Variants in EXOC2 observed in about 807,000 individuals in gnomAD.
EXOC2 encodes SEC5-like 1.
Under a neutral mutation model 131.8 loss-of-function variants are expected in EXOC2, and 70 were observed. The observed-to-expected ratio is 0.53, with a 90% confidence interval of 0.44 to 0.65. EXOC2 has a LOEUF of 0.65. Ranked by LOEUF, EXOC2 falls within the 30% of genes least tolerant of loss-of-function variation. The pLI is 0.00. For missense variants in EXOC2, 923 were observed against 1,108.6 expected (o/e 0.83, Z 2.38); for synonymous variants, 411 against 398.4 (o/e 1.03, Z -0.38).
intron 11 of EXOC2, among the ~76,000 whole-genome samples, chr6:586,328 G>C (rs1243895391): frequency 6.6e-6 from 1 of 152,194 alleles, no homozygotes; most frequent in Non-Finnish European, 1.5e-5. Flanking sequence ...TCTGATGGGG[G>C]CACTGCGGGC....
chr6:610,068 A>C lies in EXOC2; in HGVS notation c.742+30T>G, dbSNP rs1360350752. On this transcript the variant is annotated intron_variant, in intron 7 of 27. Transcript: ENST00000230449. ...TTTAAAGCATGTTGTAAAATCCATA[A>C]ATAGTTCTGGGTAGTAGGACAAAAC... The C allele has an allele frequency of 5.7e-6, 9 of 1,592,770 alleles. No homozygotes were observed. In the African/African-American group the frequency reaches 1.1e-4, roughly 19 times the overall value.
chr6:667,730 C>T lies in EXOC2; in HGVS notation c.-44+25289G>A, dbSNP rs1172395015. On this transcript the variant is annotated intron_variant, in intron 1 of 27. Coordinates refer to ENST00000230449, the MANE Select transcript of EXOC2 (RefSeq NM_018303.6). Reference sequence around the variant, plus strand: ...GACTGAGAGATACACTGCGGGCTCCCCTGGTTGAGGCCTTCAAACTTAGAC... The same window carrying T: ...GACTGAGAGATACACTGCGGGCTCCTCTGGTTGAGGCCTTCAAACTTAGAC... 1.0e-4 allele frequency among the ~76,000 whole-genome samples: 4 copies of T among 39,670 alleles called. 1 individual carries two copies. The highest frequency in any genetic ancestry group is 0.022 in the Middle Eastern group (2 of 90). 26.0% of individuals were successfully genotyped at this position (39,670 alleles called of 152,430 possible).
At chr6:505,790 T>C (rs1241153843) in intron 23 of EXOC2, among the ~76,000 whole-genome samples, 10 of 152,174 alleles carry the variant, frequency 6.6e-5, no homozygotes, top group Admixed American at 6.5e-4. Flanking sequence ...TCAGCTCCCA[T>C]CACAGAGGTT....
chr6:630,151 T>A lies in EXOC2; in HGVS notation c.296-190A>T, dbSNP rs1046984453. Among the ~76,000 whole-genome samples, 8 of 152,166 alleles carry A rather than the reference T, an allele frequency of 5.3e-5. No homozygotes were observed. The highest frequency in any genetic ancestry group is 1.0e-4 in the Non-Finnish European group (7 of 68,030). ...AGTTTAATTATAAGCACTAAAAAAA[T>A]TTATAAAAAGGCAAAAATTACACCT... On this transcript the variant is annotated intron_variant, in intron 3 of 27. Transcript: ENST00000230449.
intron 22 of EXOC2, among the ~76,000 whole-genome samples, chr6:533,546 A>G (rs1325919473): frequency 6.6e-6 from 1 of 152,132 alleles, no homozygotes; most frequent in East Asian, 1.9e-4. Flanking sequence ...AAGGAACAGG[A>G]AAGACCCCTA....
chr6:685,994 C>T (rs1175777456), intron 1 of EXOC2, among the ~76,000 whole-genome samples: 10 of 130,474 alleles, frequency 7.7e-5, no homozygotes, highest in Admixed American at 2.6e-4. Context: ...TTTTTTGAGA[C>T]GGAGTTTTAC....
chr6:656,244 C>A (rs746232901), intron 1 of EXOC2: 6 of 1,614,206 alleles, frequency 3.7e-6, no homozygotes, highest in Non-Finnish European at 5.1e-6. Context: ...CAGAAGCTTC[C>A]GATTGTCCAC....
At chr6:532,347 CAAAT>C in intron 23 of EXOC2, 118 bp downstream of exon 23, 2 of 1,106,648 alleles carry the variant, frequency 1.8e-6, no homozygotes, top group Non-Finnish European at 2.4e-6. Context: ...AAGTTAAAAT[CAAAT>C]TAATCTCTCA....
intron 7 of EXOC2, among the ~76,000 whole-genome samples, chr6:599,674 G>C (rs1431185285): frequency 6.6e-6 from 1 of 152,164 alleles, no homozygotes; most frequent in African/African-American, 2.4e-5. Flanking sequence ...ATCATTTTCA[G>C]GAAAGTTGCT....
At chr6:507,031 T>C (rs1764572141) in intron 23 of EXOC2, among the ~76,000 whole-genome samples, 1 of 148,370 alleles carries the variant, frequency 6.7e-6, no homozygotes. Context: ...CACACAGCAG[T>C]GACCACACAC....
intron 15 of EXOC2, 40 bp downstream of exon 15, chr6:564,505 A>C: frequency 6.2e-7 from 1 of 1,606,908 alleles, no homozygotes; most frequent in Non-Finnish European, 8.5e-7. Flanking sequence ...GTTAAAAAAA[A>C]CAGAAGTACG....
intron 1 of EXOC2, among the ~76,000 whole-genome samples, chr6:658,010 A>C (rs993406793): frequency 3.3e-5 from 5 of 152,012 alleles, no homozygotes; most frequent in Non-Finnish European, 7.4e-5. Flanking sequence ...CCTTTTCTCT[A>C]CTACTTCTAG....
rs375962779 is a variant in EXOC2, at chr6:576,707, A to G, written c.1318+50T>C. 3.9e-5 allele frequency: 62 copies of G among 1,595,910 alleles called. No homozygotes were observed. The African/African-American group carries it at 7.0e-4, about 18-fold the overall frequency. ...TTCCAAGAGAAGAATGTTTGAAATT[A>G]CACGAGTACAAATTTAAAAGACCCA... On this transcript the variant is annotated intron_variant, in intron 12 of 27. Transcript: ENST00000230449.
intron 1 of EXOC2, among the ~76,000 whole-genome samples, chr6:645,098 C>T (rs965242893): frequency 6.6e-6 from 1 of 152,210 alleles, no homozygotes. Context: ...GTGTTGTTGA[C>T]ATTAGGATAA....
At chr6:629,477 T>C (rs910238129) in intron 4 of EXOC2, among the ~76,000 whole-genome samples, 2 of 152,210 alleles carry the variant, frequency 1.3e-5, no homozygotes, top group Non-Finnish European at 2.9e-5. Context: ...TATTCTAAAA[T>C]ACTTCTAGAA....
rs886259094 is a variant in EXOC2 at position 564,670 on chromosome 6, C to T, written c.1542G>A (p.Val514=). The stretch of plus-strand genomic sequence containing the variant: ...GAAGCAGGGCTCCGCGGGTAAGCTT[C>T]ACCAGGGAGTGCATTACTTCCTGAA... The part of the protein sequence containing the change: ...KMIQEVMHSL[V]KLTRGALLPL... Residue 514 remains valine, a synonymous_variant, in exon 15 of 28, where the codon GTG becomes GTA. Transcript: ENST00000230449. The T allele has an allele frequency of 6.2e-7, 1 of 1,606,450 alleles. No homozygotes were observed. The highest frequency in any genetic ancestry group is 8.5e-7 in the Non-Finnish European group (1 of 1,176,234).
intron 25 of EXOC2, among the ~76,000 whole-genome samples, chr6:493,993 C>A (rs1301590284): frequency 1.3e-5 from 2 of 152,140 alleles, no homozygotes; most frequent in Admixed American, 6.5e-5. Context: ...TGTTAAAATT[C>A]TAAGACTGCT....
chr6:688,866 T>A (rs557133647), intron 1 of EXOC2, among the ~76,000 whole-genome samples: 1 of 152,222 alleles, frequency 6.6e-6, no homozygotes, highest in East Asian at 1.9e-4. Flanking sequence ...AAGCCAAACA[T>A]GGCCTTTTGT....
intron 1 of EXOC2, chr6:655,925 A>G (rs1267157901): frequency 1.9e-6 from 1 of 528,268 alleles, no homozygotes; most frequent in East Asian, 3.0e-5. Context: ...TAAACAAAAC[A>G]TGAACTACCC....
Sources: gnomAD v4.1 joint callset for allele counts (sites outside exome capture counted in the v4.1 genomes callset) on GRCh38, gnomAD v4.1.1 for gene constraint, MANE v1.5 for transcripts, NCBI Gene and HGNC (gene_info 2026-07-23, HGNC 2026-07-21) for gene names.